FAM222B: variants seen among roughly 807,000 people sequenced by gnomAD.
FAM222B encodes protein FAM222B.
Under a neutral mutation model 38.0 loss-of-function variants are expected in FAM222B, and 12 were observed. That is an observed-to-expected ratio of 0.32 (90% CI 0.20 to 0.51). The LOEUF (loss-of-function observed/expected upper bound fraction) is 0.51, where lower values mean the gene tolerates loss of function less well. Ranked by LOEUF, FAM222B falls within the 20% of genes least tolerant of loss-of-function variation. The pLI is 0.97. For missense variants in FAM222B, 716 were observed against 754.2 expected (o/e 0.95, Z 0.59); for synonymous variants, 329 against 317.2 (o/e 1.04, Z -0.40).
At chr17:28,810,395 T>C (rs1043978550) in intron 1 of FAM222B, among the ~76,000 whole-genome samples, 17 of 152,110 alleles carry the variant, frequency 1.1e-4, no homozygotes, top group African/African-American at 9.7e-5. Context: ...CTAGCTAACT[T>C]TGTTTTATAT....
chr17:28,848,657 C>CT (rs987002508), intron 1 of FAM222B, among the ~76,000 whole-genome samples: 12 of 151,886 alleles, frequency 7.9e-5, no homozygotes, highest in African/African-American at 2.9e-4. Flanking sequence ...ACTTGGGAGG[C>CT]TGAGGCAGGA....
Position 28,758,758 on chromosome 17 carries a change from G to A in FAM222B, c.1201C>T (p.Pro401Ser), listed in dbSNP as rs1376767702. Residue 401 changes from proline to serine, a missense_variant, in exon 3 of 3, where the codon CCT becomes TCT. Pro to Ser is a moderately conservative substitution (Grantham distance 74, BLOSUM62 -1). Transcript: ENST00000581407. ...KHAAGRELAGPGFVGKAPAYP... is the reference protein window; with the variant it reads ...KHAAGRELAGSGFVGKAPAYP... ...GCAGGGGCCTTGCCCACAAAGCCAGGCCCTGCCAACTCGCGTCCTGCCGCA... is the reference window on the plus strand; with the variant it reads ...GCAGGGGCCTTGCCCACAAAGCCAGACCCTGCCAACTCGCGTCCTGCCGCA... The A allele has an allele frequency of 1.3e-6, 2 of 1,574,844 alleles. No homozygotes were observed. The highest frequency in any genetic ancestry group is 2.3e-5 in the South Asian group (2 of 87,234).
At chr17:28,799,387 T>C (rs2037109987) in intron 1 of FAM222B, among the ~76,000 whole-genome samples, 1 of 149,114 alleles carries the variant, frequency 6.7e-6, no homozygotes, top group Non-Finnish European at 1.5e-5. Context: ...AACCTCTGCC[T>C]CTCGGGTTCA....
chr17:28,780,593 T>C (rs940756552), intron 1 of FAM222B, among the ~76,000 whole-genome samples: 2 of 151,956 alleles, frequency 1.3e-5, no homozygotes. Context: ...GTATAAAATA[T>C]TGAAGAGGAT....
chr17:28,790,710 C>T (rs2036620285), intron 1 of FAM222B, among the ~76,000 whole-genome samples: 1 of 151,898 alleles, frequency 6.6e-6, no homozygotes, highest in Non-Finnish European at 1.5e-5. Flanking sequence ...ATGTTACTTT[C>T]CTGATTTTGA....
intron 1 of FAM222B, among the ~76,000 whole-genome samples, chr17:28,772,125 T>C (rs922126261): frequency 2.0e-5 from 3 of 152,084 alleles, no homozygotes; most frequent in Non-Finnish European, 4.4e-5. Context: ...ACCTCAACCT[T>C]AAGAAACGTT....
At chr17:28,801,620 A>ATTG (rs1386355047) in intron 1 of FAM222B, among the ~76,000 whole-genome samples, 1 of 151,866 alleles carries the variant, frequency 6.6e-6, no homozygotes, top group East Asian at 1.9e-4. Flanking sequence ...TATTATTATT[A>ATTG]TTGTTGTTCT....
intron 1 of FAM222B, among the ~76,000 whole-genome samples, chr17:28,798,632 G>C (rs1187087827): frequency 7.2e-6 from 1 of 138,980 alleles, no homozygotes; most frequent in African/African-American, 2.5e-5. Flanking sequence ...TTAGGCACTT[G>C]CACCCCCTTT....
At chr17:28,783,152 A>C (rs1039217600) in intron 1 of FAM222B, among the ~76,000 whole-genome samples, 2 of 151,998 alleles carry the variant, frequency 1.3e-5, no homozygotes, top group African/African-American at 2.4e-5. Context: ...AAAAAAAAAA[A>C]AACAAACTCA....
Position 28,820,104 on chromosome 17 carries a change from T to C in FAM222B, c.-41+22578A>G, listed in dbSNP as rs912973441. On this transcript the variant is annotated intron_variant, in intron 1 of 2. Transcript: ENST00000581407. ...AAAATTAGCAACACACAGGTCCCTA[T>C]ACTAAAAACAATATATACGATCCCA... Among the ~76,000 whole-genome samples, 3 of 152,190 alleles carry C rather than the reference T, an allele frequency of 2.0e-5. No homozygotes were observed. In the South Asian group the frequency reaches 6.2e-4, roughly 31 times the overall value.
At chr17:28,784,764 A>G (rs539394810) in intron 1 of FAM222B, among the ~76,000 whole-genome samples, 3 of 152,132 alleles carry the variant, frequency 2.0e-5, no homozygotes, top group South Asian at 4.1e-4. Context: ...CAGGAGATGG[A>G]GGTTGCAGTG....
intron 1 of FAM222B, among the ~76,000 whole-genome samples, chr17:28,840,037 G>A (rs1368324830): frequency 6.6e-6 from 1 of 152,062 alleles, no homozygotes; most frequent in Non-Finnish European, 1.5e-5. Context: ...CAGCAAAGCT[G>A]AAGTGTCTAT....
At chr17:28,821,638 G>A (rs564406352) in intron 1 of FAM222B, among the ~76,000 whole-genome samples, 1 of 152,218 alleles carries the variant, frequency 6.6e-6, no homozygotes, top group East Asian at 1.9e-4. Flanking sequence ...AGTTAAAGCA[G>A]GTTTTTGGAA....
chr17:28,760,045 C>G (rs1368847602), intron 2 of FAM222B, among the ~76,000 whole-genome samples, 169 bp from the exon 3 acceptor site: 1 of 152,208 alleles, frequency 6.6e-6, no homozygotes, highest in Non-Finnish European at 1.5e-5. Flanking sequence ...TTCACATTAA[C>G]AAGCACTGCT....
At chr17:28,818,875 TC>T (rs1348244765) in intron 1 of FAM222B, among the ~76,000 whole-genome samples, 1 of 152,186 alleles carries the variant, frequency 6.6e-6, no homozygotes, top group East Asian at 1.9e-4. Flanking sequence ...AACTTGTGAA[TC>T]GAGCATGATT....
chr17:28,846,866 C>T (rs1293652386), upstream of FAM222B, among the ~76,000 whole-genome samples: 1 of 151,874 alleles, frequency 6.6e-6, no homozygotes, highest in African/African-American at 2.4e-5. Context: ...GGCAGAGGAC[C>T]ATTTGAGGCC....
Position 28,758,669 on chromosome 17 carries a change from G to A in FAM222B, c.1290C>T (p.Thr430=), listed in dbSNP as rs776035748. The change falls in exon 3 of 3, where the codon ACC becomes ACT. Residue 430 remains threonine, a synonymous_variant. Transcript: ENST00000581407. The stretch of plus-strand genomic sequence containing the variant: ...CCATGCCGTTGACTGGTGGGGATGG[G>A]GTCGGCTTTTCCAGGGGTGGCTTCA... ...FHLKPPLEKP[T]PSPPVNGMAA... The A allele has an allele frequency of 3.7e-6, 6 of 1,607,120 alleles. No homozygotes were observed. In the African/African-American group the frequency reaches 8.0e-5, roughly 21 times the overall value.
chr17:28,830,358 C>G (rs546075410), intron 1 of FAM222B, among the ~76,000 whole-genome samples: 16 of 151,916 alleles, frequency 1.1e-4, no homozygotes, highest in Non-Finnish European at 1.9e-4. Flanking sequence ...GAAGCGGTTT[C>G]ACCGTGTTAG....
intron 1 of FAM222B, among the ~76,000 whole-genome samples, chr17:28,837,554 C>A (rs1014421713): frequency 1.3e-5 from 2 of 151,958 alleles, no homozygotes; most frequent in Non-Finnish European, 2.9e-5. Flanking sequence ...AAATTGTAGT[C>A]CTTTTCACTA....
Sources: gnomAD v4.1 joint callset for allele counts (sites outside exome capture counted in the v4.1 genomes callset) on GRCh38, gnomAD v4.1.1 for gene constraint, MANE v1.5 for transcripts, NCBI Gene and HGNC (gene_info 2026-07-23, HGNC 2026-07-21) for gene names.